The following ELF5 variants were observed in gnomAD, a reference collection of about 807,000 sequenced individuals.
ELF5 encodes ETS-related transcription factor Elf-5.
In ELF5, 31 loss-of-function variants were observed where a neutral mutation model predicts 38.2. That is an observed-to-expected ratio of 0.81 (90% CI 0.61 to 1.10). ELF5 has a LOEUF of 1.10. Among genes scored for constraint, ELF5 ranks in the 50% least tolerant of loss-of-function variants. The pLI, the probability that ELF5 is intolerant of heterozygous loss-of-function variation, is 0.00. For synonymous variants in ELF5, 121 were observed against 112.5 expected (o/e 1.08, Z -0.48); for missense variants, 300 against 306.6 (o/e 0.98, Z 0.16).
At chr11:34,495,602 G>A (rs888378999) in intron 2 of ELF5, among the ~76,000 whole-genome samples, 3 of 152,232 alleles carry the variant, frequency 2.0e-5, no homozygotes, top group African/African-American at 7.2e-5. Context: ...GGGTGGAGGG[G>A]CAGTTGATTT....
At position 34,505,614 on chromosome 11, in the gene ELF5, T is replaced by C. The variant is rs1349921416; in HGVS notation, c.121+15A>G. The C allele has an allele frequency of 1.2e-6, 2 of 1,613,140 alleles. No individual in the cohort carries two copies. Among genetic ancestry groups the C allele is most frequent in the Non-Finnish European group, 1.7e-6 (2 of 1,179,512 alleles). On this transcript the variant is annotated intron_variant, in intron 2 of 6. Transcript: ENST00000257832. ...TCCTGGCTGCACTCAGATGGGCTCC[T>C]TCAAATGTACGCACCTGTCTGATGC...
chr11:34,484,502 A>C lies in ELF5; in HGVS notation c.407-2003T>G, dbSNP rs796403998. 3.5e-4 allele frequency among the ~76,000 whole-genome samples: 44 copies of C among 124,598 alleles called. 1 individual carries two copies. The South Asian group carries it at 4.0e-3, about 11-fold the overall frequency. The allele number at this position is 124,598 out of a possible 152,430, so 81.7% of individuals were successfully genotyped here. A position where few individuals can be genotyped will look rare whatever the true frequency, so the allele number is the denominator to read the frequency against. On this transcript the variant is annotated intron_variant, in intron 4 of 6. Coordinates refer to ENST00000257832, the MANE Select transcript of ELF5 (RefSeq NM_001422.4). The stretch of plus-strand genomic sequence containing the variant: ...TACTAACTATACTATACTATACTAT[A>C]CTATACTATACTATACTATACTATA...
At chr11:34,506,081 G>A (rs761286280) in intron 1 of ELF5, among the ~76,000 whole-genome samples, 1 of 152,134 alleles carries the variant, frequency 6.6e-6, no homozygotes, top group Non-Finnish European at 1.5e-5. Flanking sequence ...TTTCCTGTTT[G>A]CTCACATCTG....
intron 2 of ELF5, among the ~76,000 whole-genome samples, chr11:34,494,430 C>T (rs1265278609): frequency 6.6e-6 from 1 of 152,214 alleles, no homozygotes; most frequent in African/African-American, 2.4e-5. Context: ...CCATAGTAGG[C>T]ACCTCCAGAG....
intron 1 of ELF5, among the ~76,000 whole-genome samples, chr11:34,507,006 C>A (rs554596893): frequency 6.6e-6 from 1 of 152,248 alleles, no homozygotes; most frequent in African/African-American, 2.4e-5. Flanking sequence ...TTCATACATA[C>A]ATACACATAC....
chr11:34,497,219 C>G, intron 2 of ELF5, among the ~76,000 whole-genome samples: 1 of 152,120 alleles, frequency 6.6e-6, no homozygotes. Context: ...GTTGTGTTGT[C>G]TGGAAATGTA....
chr11:34,500,161 T>TG (rs1850426140), intron 2 of ELF5, among the ~76,000 whole-genome samples: 1 of 152,180 alleles, frequency 6.6e-6, no homozygotes, highest in African/African-American at 2.4e-5. Context: ...AGGGCTTGGC[T>TG]GGGACAAGAC....
intron 2 of ELF5, among the ~76,000 whole-genome samples, chr11:34,504,821 A>G (rs1255421432): frequency 6.6e-6 from 1 of 152,148 alleles, no homozygotes; most frequent in Non-Finnish European, 1.5e-5. Flanking sequence ...TCAAGGTCCC[A>G]TGCTGCCTTC....
At chr11:34,486,927 CT>C (rs1483564954) in intron 4 of ELF5, among the ~76,000 whole-genome samples, 1 of 152,344 alleles carries the variant, frequency 6.6e-6, no homozygotes, top group East Asian at 1.9e-4. Context: ...GACATCAGCA[CT>C]GAAAGGCAGC....
At chr11:34,494,702 C>T (rs1207327988) in intron 2 of ELF5, among the ~76,000 whole-genome samples, 1 of 152,082 alleles carries the variant, frequency 6.6e-6, no homozygotes, top group African/African-American at 2.4e-5. Flanking sequence ...GGAAGAGGTG[C>T]TGTATTAGGT....
Position 34,499,092 on chromosome 11 carries a change from CA to C in ELF5, c.122-5381del, listed in dbSNP as rs202065953. On this transcript the variant is annotated intron_variant, in intron 2 of 6. Transcript: ENST00000257832. ...GGTGATAGGACGGAAACTCCATTTCCAAAAAAAAAAAATCATTTCCAGACAT... is the reference window on the plus strand; with the variant it reads ...GGTGATAGGACGGAAACTCCATTTCCAAAAAAAAAAATCATTTCCAGACAT... 7.1e-3 allele frequency among the ~76,000 whole-genome samples: 1,018 copies of C among 143,306 alleles called. 4 individuals carry two copies. Among genetic ancestry groups the C allele is most frequent in the Middle Eastern group, 0.011 (3 of 270 alleles). 94.0% of individuals were successfully genotyped at this position (143,306 alleles called of 152,430 possible). A position where few individuals can be genotyped will look rare whatever the true frequency, so the allele number is the denominator to read the frequency against.
chr11:34,497,316 G>A (rs1464773766), intron 2 of ELF5, among the ~76,000 whole-genome samples: 1 of 152,110 alleles, frequency 6.6e-6, no homozygotes, highest in Non-Finnish European at 1.5e-5. Context: ...TGCCTATGTC[G>A]ACCAGTAGAC....
At chr11:34,480,673 A>G (rs964569484) in intron 6 of ELF5, 99 bp downstream of exon 6, 56 of 1,361,580 alleles carry the variant, frequency 4.1e-5, no homozygotes, top group Non-Finnish European at 5.4e-5. Flanking sequence ...CCTTTCCATT[A>G]TCAAGTAAAA....
In ELF5 at chr11:34,509,213, C is replaced by T. The variant is rs148777151; in HGVS notation, c.-4-3460G>A. On this transcript the variant is annotated intron_variant, in intron 1 of 6. Coordinates refer to ENST00000257832, the MANE Select transcript of ELF5 (RefSeq NM_001422.4). ...GGCATGGTGGTGCACACCTGTAATC[C>T]CAGCTACTCAGGAGGTTGAGGCATG... Among the ~76,000 whole-genome samples, 245 of 152,140 alleles carry T rather than the reference C, an allele frequency of 1.6e-3. 3 individuals are homozygous for T. The highest frequency in any genetic ancestry group is 5.3e-3 in the African/African-American group (218 of 41,474).
At chr11:34,491,491 T>G (rs2133882788) in intron 3 of ELF5, 1 of 152,026 alleles carries the variant, frequency 6.6e-6, no homozygotes, top group South Asian at 2.1e-4. Context: ...AGAGGTAATG[T>G]ATGACCTATT....
chr11:34,480,160 C>T lies in ELF5; in HGVS notation c.*58G>A. 7.2e-7 allele frequency: 1 copy of T among 1,395,714 alleles called. No individual in the cohort carries two copies. The highest frequency in any genetic ancestry group is 1.8e-5 in the Admixed American group (1 of 55,792). 86.5% of individuals were successfully genotyped at this position (1,395,714 alleles called of 1,614,324 possible). On this transcript the variant is annotated 3_prime_UTR_variant, in exon 7 of 7. Transcript: ENST00000257832. The stretch of plus-strand genomic sequence containing the variant: ...AATGAAGCCTTTCGAATGTCTATTG[C>T]AATCTGATTGTTTTAAAAGACAGAA...
intron 2 of ELF5, among the ~76,000 whole-genome samples, chr11:34,494,361 C>T (rs1453599932): frequency 6.6e-6 from 1 of 152,228 alleles, no homozygotes; most frequent in Non-Finnish European, 1.5e-5. Context: ...TACTGGCAAT[C>T]TTGTGCCAAG....
Position 34,513,706 on chromosome 11 carries a change from G to A in ELF5, c.-34C>T, listed in dbSNP as rs1199906549. 2 of 152,502 alleles carry A rather than the reference G, an allele frequency of 1.3e-5. No individual in the cohort carries two copies. The highest frequency in any genetic ancestry group is 2.9e-5 in the Non-Finnish European group (2 of 68,244). 9.4% of individuals were successfully genotyped at this position (152,502 alleles called of 1,614,324 possible). ...GGGCAGCGGTGGCTAGGTCCAAAGA[G>A]GAGGCTTTCAAGGCAAGAGAAGGCA... On this transcript the variant is annotated 5_prime_UTR_variant, in exon 1 of 7. Transcript: ENST00000257832.
intron 1 of ELF5, among the ~76,000 whole-genome samples, chr11:34,512,426 A>T (rs150645729): frequency 6.6e-6 from 1 of 152,256 alleles, no homozygotes; most frequent in African/African-American, 2.4e-5. Context: ...TGGATTACAT[A>T]TATCAGGGGT....
Sources: gnomAD v4.1 joint callset for allele counts (sites outside exome capture counted in the v4.1 genomes callset) on GRCh38, gnomAD v4.1.1 for gene constraint, MANE v1.5 for transcripts, NCBI Gene and HGNC (gene_info 2026-07-23, HGNC 2026-07-21) for gene names.